Variants in PXT1 observed in about 807,000 individuals in gnomAD.
The protein encoded by PXT1 is peroxisomal testis enriched protein 1.
PXT1 carries 11 observed loss-of-function variants against 11.0 expected under a neutral mutation model. The ratio of observed to expected loss-of-function variants is 1.00; its 90% confidence interval spans 0.63 to 1.66. The LOEUF (loss-of-function observed/expected upper bound fraction) is 1.66, where lower values mean the gene tolerates loss of function less well. Among genes scored for constraint, PXT1 ranks in the 40% most tolerant of loss-of-function variants. The pLI is 0.00. For synonymous variants in PXT1, 43 were observed against 51.4 expected (o/e 0.84, Z 0.70); for missense variants, 141 against 155.5 (o/e 0.91, Z 0.49).
chr6:36,432,562 A>C (rs939633037), intron 2 of PXT1, among the ~76,000 whole-genome samples: 60 of 152,304 alleles, frequency 3.9e-4, no homozygotes, highest in African/African-American at 1.4e-3. Flanking sequence ...GAAGCAAGGC[A>C]CGTCTCCCTG....
intron 3 of PXT1, among the ~76,000 whole-genome samples, chr6:36,411,277 C>A (rs1050023807): frequency 1.3e-5 from 2 of 151,946 alleles, no homozygotes; most frequent in African/African-American, 2.4e-5. Flanking sequence ...TAGTGAAACC[C>A]CCGTCTCTAC....
At chr6:36,425,014 G>A (rs1325224447) in intron 3 of PXT1, among the ~76,000 whole-genome samples, 1 of 152,118 alleles carries the variant, frequency 6.6e-6, no homozygotes, top group African/African-American at 2.4e-5. Context: ...TTAGATATTA[G>A]GTTGAAGTTA....
At position 36,400,534 on chromosome 6, in the gene PXT1, G is replaced by A. The variant is rs1394622143; in HGVS notation, c.220C>T (p.His74Tyr). ...PKEHSIVQKH[H>Y]QEEIIHKLAM... is the part of the protein sequence containing the mutation. ...AACTTGTGAATTATTTCCTCCTGGT[G>A]ATGCTTCTGAACAATGCTATGCTCC... The change falls in exon 4 of 5, where the codon CAC (histidine) becomes TAC (tyrosine). Residue 74 changes from histidine (H) to tyrosine (Y), a missense_variant. Transcript: ENST00000454782. 1 of 1,613,922 alleles carries A rather than the reference G, an allele frequency of 6.2e-7. No individual in the cohort carries two copies. The highest frequency in any genetic ancestry group is 1.7e-5 in the Admixed American group (1 of 60,008).
At chr6:36,418,890 G>C (rs1774487733) in intron 3 of PXT1, among the ~76,000 whole-genome samples, 1 of 152,204 alleles carries the variant, frequency 6.6e-6, no homozygotes, top group Non-Finnish European at 1.5e-5. Flanking sequence ...TCCCATGACA[G>C]AGTAAAGAGT....
intron 4 of PXT1, among the ~76,000 whole-genome samples, chr6:36,399,360 T>C (rs530642355): frequency 3.1e-4 from 47 of 152,304 alleles, no homozygotes; most frequent in African/African-American, 1.1e-3. Flanking sequence ...TTGGCCAGGA[T>C]GGTCACGAAC....
intron 4 of PXT1, among the ~76,000 whole-genome samples, chr6:36,394,387 C>T (rs1774111324): frequency 6.6e-6 from 1 of 152,152 alleles, no homozygotes; most frequent in South Asian, 2.1e-4. Context: ...TGTTTCCCTC[C>T]CTTCTTTCTA....
chr6:36,410,505 GAAGA>G (rs1774357520), intron 3 of PXT1, among the ~76,000 whole-genome samples: 2 of 150,448 alleles, frequency 1.3e-5, no homozygotes, highest in Non-Finnish European at 3.0e-5. Context: ...AGAGAGGAAG[GAAGA>G]AAGAGAGAGA....
At chr6:36,415,168 C>T (rs1350371801) in intron 3 of PXT1, among the ~76,000 whole-genome samples, 1 of 152,114 alleles carries the variant, frequency 6.6e-6, no homozygotes, top group Admixed American at 6.5e-5. Flanking sequence ...GCCGGCCAGG[C>T]GCGGGGGCTC....
intron 3 of PXT1, among the ~76,000 whole-genome samples, chr6:36,401,615 CA>C (rs140178346): frequency 0.018 from 2,095 of 115,020 alleles, 13 homozygotes; most frequent in African/African-American, 0.038. Flanking sequence ...GACCCTGTCT[CA>C]AAAAAAAAAA....
At chr6:36,417,819 G>C (rs1040942977) in intron 3 of PXT1, among the ~76,000 whole-genome samples, 1 of 151,298 alleles carries the variant, frequency 6.6e-6, no homozygotes, top group African/African-American at 2.4e-5. Context: ...AGAGAGAGAG[G>C]AATAAATGTA....
At chr6:36,402,135 C>A (rs200543268) in intron 3 of PXT1, among the ~76,000 whole-genome samples, 4 of 151,984 alleles carry the variant, frequency 2.6e-5, no homozygotes, top group Admixed American at 2.0e-4. Context: ...TATTTTTACC[C>A]ACTCTCCTTG....
chr6:36,439,290 T>C (rs1292161886), intron 1 of PXT1, among the ~76,000 whole-genome samples: 1 of 151,598 alleles, frequency 6.6e-6, no homozygotes, highest in Non-Finnish European at 1.5e-5. Flanking sequence ...CCGGCCTATT[T>C]TCTTTTCCAA....
chr6:36,398,014 C>CAA lies in PXT1; in HGVS notation c.300+2438_300+2439dup, dbSNP rs377375378. Among the ~76,000 whole-genome samples, 496 of 140,820 alleles carry CAA rather than the reference C, an allele frequency of 3.5e-3. 1 individual carries two copies. Among genetic ancestry groups the CAA allele is most frequent in the African/African-American group, 0.012 (469 of 38,302 alleles). The allele number at this position is 140,820 out of a possible 152,430, so 92.4% of individuals were successfully genotyped here. On this transcript the variant is annotated intron_variant, in intron 4 of 4. Transcript: ENST00000454782. The stretch of plus-strand genomic sequence containing the variant: ...TAGGCAACAGAGCAAGACTCTGTCT[C>CAA]AAAAAAAAAAGACTCCTACAATAAT...
At chr6:36,417,177 T>A (rs1774460749) in intron 3 of PXT1, among the ~76,000 whole-genome samples, 1 of 151,944 alleles carries the variant, frequency 6.6e-6, no homozygotes, top group African/African-American at 2.4e-5. Context: ...TGAAACCCCA[T>A]CTCTACTAAA....
At chr6:36,399,552 G>A (rs541733659) in intron 4 of PXT1, among the ~76,000 whole-genome samples, 60 of 152,188 alleles carry the variant, frequency 3.9e-4, no homozygotes, top group Non-Finnish European at 6.6e-4. Flanking sequence ...TTGGACCTGA[G>A]TATAAAAGAG....
intron 4 of PXT1, among the ~76,000 whole-genome samples, chr6:36,394,103 A>G (rs763851029): frequency 5.9e-5 from 9 of 152,174 alleles, no homozygotes; most frequent in Non-Finnish European, 1.3e-4. Flanking sequence ...TCCCCCTCTT[A>G]TAGTCGATAT....
intron 2 of PXT1, among the ~76,000 whole-genome samples, chr6:36,435,468 C>T (rs1774748711): frequency 1.3e-5 from 2 of 152,044 alleles, no homozygotes; most frequent in Non-Finnish European, 2.9e-5. Flanking sequence ...GAGGCTGAGG[C>T]AGGAGGATAC....
intron 4 of PXT1, among the ~76,000 whole-genome samples, chr6:36,395,366 C>T (rs933962000): frequency 1.3e-5 from 2 of 151,858 alleles, no homozygotes; most frequent in Non-Finnish European, 2.9e-5. Flanking sequence ...AAACAGAGTA[C>T]AAAAGGTAAA....
chr6:36,441,613 C>T (rs530844494), intron 1 of PXT1, among the ~76,000 whole-genome samples: 1 of 152,276 alleles, frequency 6.6e-6, no homozygotes, highest in South Asian at 2.1e-4. Flanking sequence ...GAAGCTGAGT[C>T]ACCATGGGGA....
Sources: gnomAD v4.1 joint callset for allele counts (sites outside exome capture counted in the v4.1 genomes callset) on GRCh38, gnomAD v4.1.1 for gene constraint, MANE v1.5 for transcripts, NCBI Gene and HGNC (gene_info 2026-07-23, HGNC 2026-07-21) for gene names.